The following ZNF77 variants were observed in gnomAD, a reference collection of about 807,000 sequenced individuals.
ZNF77 encodes the protein zinc finger protein 77.
A neutral mutation model predicts 13.5 loss-of-function variants in ZNF77; 15 were observed. The observed-to-expected ratio is 1.11, with a 90% CI of 0.74 to 1.71. ZNF77 has a LOEUF of 1.71. ZNF77 is among the 40% of genes most tolerant of loss of function. The pLI, the probability that ZNF77 is intolerant of heterozygous loss-of-function variation, is 0.00. For missense variants in ZNF77, 717 were observed against 676.4 expected (o/e 1.06, Z -0.67); for synonymous variants, 282 against 250.0 (o/e 1.13, Z -1.21).
At position 2,934,003 on chromosome 19, in the gene ZNF77, G is replaced by T; in HGVS notation, c.1124C>A (p.Thr375Asn). Residue 375 changes from threonine (T) to asparagine (N), a missense_variant, in exon 4 of 4, where the codon ACC becomes AAC. Physicochemically the swap from Thr to Asn is moderately conservative, Grantham distance 65. Transcript: ENST00000314531. ...SSLRAHMRMH[T>N]GEKPYVCKQC... Reference sequence around the variant, plus strand: ...CTTGCACACATAGGGCTTCTCTCCGGTGTGCATTCTCATGTGTGCTCGCAG... The same window carrying T: ...CTTGCACACATAGGGCTTCTCTCCGTTGTGCATTCTCATGTGTGCTCGCAG... 1 of 1,614,168 alleles carries T rather than the reference G, an allele frequency of 6.2e-7. No homozygotes were observed. Among genetic ancestry groups the T allele is most frequent in the Non-Finnish European group, 8.5e-7 (1 of 1,180,036 alleles).
At position 2,936,509 on chromosome 19, in the gene ZNF77, T is replaced by A; in HGVS notation, c.311+15A>T. 6.3e-7 allele frequency: 1 copy of A among 1,575,602 alleles called. No homozygotes were observed. The highest frequency in any genetic ancestry group is 2.3e-5 in the East Asian group (1 of 43,516). On this transcript the variant is annotated intron_variant, in intron 3 of 3. Transcript: ENST00000314531. ...TCTGCGGAGAGGCCCATCCCTCCGG[T>A]TGAGCGCCACTCACCTCAGATGCCT...
Position 2,944,944 on chromosome 19 carries a change from G to A in ZNF77, c.-104C>T, listed in dbSNP as rs566476995. ...TGAGCCGCTCGGGGTAGGCGGGGAA[G>A]CGCGCAAGGCAGAGGGGAACTCGGC... On this transcript the variant is annotated 5_prime_UTR_variant, in exon 1 of 4. Coordinates refer to ENST00000314531, the MANE Select transcript of ZNF77 (RefSeq NM_021217.3). 4.3e-6 allele frequency: 6 copies of A among 1,405,226 alleles called. No individual in the cohort carries two copies. The South Asian group carries it at 7.0e-5, about 16-fold the overall frequency. The allele number at this position is 1,405,226 out of a possible 1,614,324, so 87.0% of individuals were successfully genotyped here.
At chr19:2,938,727 C>A (rs146044326) in intron 2 of ZNF77, among the ~76,000 whole-genome samples, 269 of 152,186 alleles carry the variant, frequency 1.8e-3, no homozygotes, top group African/African-American at 6.3e-3. Context: ...GAGGCCAAGG[C>A]GGGCGGATCA....
intron 2 of ZNF77, 117 bp from the exon 3 acceptor site, chr19:2,936,821 T>C (rs2088402337): frequency 1.1e-6 from 1 of 932,624 alleles, no homozygotes; most frequent in South Asian, 1.6e-5. Context: ...TAAGGAAGAA[T>C]AGACATGCTA....
intron 1 of ZNF77, among the ~76,000 whole-genome samples, chr19:2,943,274 ACCCTTCTCCCTATTGCAACAGC>A (rs1261816614): frequency 6.7e-6 from 1 of 150,008 alleles, no homozygotes; most frequent in African/African-American, 2.5e-5. Context: ...AATCCAACTA[ACCCTTCTCCCTATTGCAACAGC>A]CCCTTCTCCC....
In ZNF77 at chr19:2,933,357, T is replaced by C; in HGVS notation, c.*132A>G. On this transcript the variant is annotated 3_prime_UTR_variant, in exon 4 of 4. Coordinates refer to ENST00000314531, the MANE Select transcript of ZNF77 (RefSeq NM_021217.3). ...AATCATAATTAAGAGATTTCTCTCCTACTCTGAATTTTTAGGTACAAAATA... is the reference window on the plus strand; with the variant it reads ...AATCATAATTAAGAGATTTCTCTCCCACTCTGAATTTTTAGGTACAAAATA... 9.1e-7 allele frequency: 1 copy of C among 1,102,532 alleles called. No individual in the cohort carries two copies. The highest frequency in any genetic ancestry group is 1.3e-6 in the Non-Finnish European group (1 of 790,144). 68.3% of individuals were successfully genotyped at this position (1,102,532 alleles called of 1,614,324 possible). A position where few individuals can be genotyped will look rare whatever the true frequency, so the allele number is the denominator to read the frequency against.
intron 1 of ZNF77, among the ~76,000 whole-genome samples, chr19:2,940,544 A>G (rs562548468): frequency 2.8e-4 from 42 of 152,162 alleles, no homozygotes; most frequent in African/African-American, 1.0e-3. Flanking sequence ...GTGGTGGCAC[A>G]CGCCTGTAGT....
At position 2,939,291 on chromosome 19, in the gene ZNF77, A is replaced by AGTGAGGGAATGACGCCACCCTT. The variant is rs766488951; in HGVS notation, c.119_120insAAGGGTGGCGTCATTCCCTCAC (p.Ala41ArgfsTer17). 7.9e-7 allele frequency: 1 copy of AGTGAGGGAATGACGCCACCCTT among 1,259,748 alleles called. No individual in the cohort carries two copies. The highest frequency in any genetic ancestry group is 1.1e-6 in the Non-Finnish European group (1 of 927,916). 78.0% of individuals were successfully genotyped at this position (1,259,748 alleles called of 1,614,324 possible). A position where few individuals can be genotyped will look rare whatever the true frequency, so the allele number is the denominator to read the frequency against. On this transcript the variant is annotated frameshift_variant, in exon 2 of 4. Coordinates refer to ENST00000314531, the MANE Select transcript of ZNF77 (RefSeq NM_021217.3). LOFTEE classifies it high-confidence loss of function. Reference sequence around the variant, plus strand: ...TGACACCACCCTTACCCAAGGAGGCAAGGTTCCTGCAGGTCTCCAGCATCA... The same window carrying AGTGAGGGAATGACGCCACCCTT: ...TGACACCACCCTTACCCAAGGAGGCAGTGAGGGAATGACGCCACCCTTAGGTTCCTGCAGGTCTCCAGCATCA...
chr19:2,934,336 C>T lies in ZNF77; in HGVS notation c.791G>A (p.Gly264Glu). Residue 264 changes from glycine (G) to glutamate (E), a missense_variant, in exon 4 of 4, where the codon GGA becomes GAA. Gly to Glu is a moderately conservative substitution (Grantham distance 98). Transcript: ENST00000314531. ...YLTRHVRTHT[G>E]EKPYECKECG... ...CTCCTTACACTCATAGGGTTTCTCT[C>T]CTGTGTGAGTTCTTACGTGCCGTGT... 4.3e-6 allele frequency: 7 copies of T among 1,614,192 alleles called. No individual in the cohort carries two copies. Among genetic ancestry groups the T allele is most frequent in the Non-Finnish European group, 5.9e-6 (7 of 1,180,042 alleles).
At chr19:2,942,284 G>C (rs545802378) in intron 1 of ZNF77, among the ~76,000 whole-genome samples, 4 of 151,314 alleles carry the variant, frequency 2.6e-5, no homozygotes, top group East Asian at 1.9e-4. Context: ...GTCAATCAGG[G>C]TGGTCTTGAA....
Position 2,939,095 on chromosome 19 carries a change from G to A in ZNF77, c.130+186C>T, listed in dbSNP as rs551999949. On this transcript the variant is annotated intron_variant, in intron 2 of 3. Coordinates refer to ENST00000314531, the MANE Select transcript of ZNF77 (RefSeq NM_021217.3). ...CCCAAGGAGGCAGTGAGGGAATGAC[G>A]CCACCCTTACCCAAGGAGGCAGTGA... Among the ~76,000 whole-genome samples, 105 of 103,560 alleles carry A rather than the reference G, an allele frequency of 1.0e-3. 2 individuals are homozygous for A. Among genetic ancestry groups the A allele is most frequent in the African/African-American group, 1.7e-3 (55 of 32,004 alleles). 67.9% of individuals were successfully genotyped at this position (103,560 alleles called of 152,430 possible). A position where few individuals can be genotyped will look rare whatever the true frequency, so the allele number is the denominator to read the frequency against.
chr19:2,941,154 G>A (rs2088445167), intron 1 of ZNF77, among the ~76,000 whole-genome samples: 2 of 133,596 alleles, frequency 1.5e-5, no homozygotes. Context: ...CAGCGTGGGT[G>A]ACAGAGAGAC....
At chr19:2,939,557 A>G (rs907111038) in intron 1 of ZNF77, 150 bp from the exon 2 acceptor site, 2 of 1,088,702 alleles carry the variant, frequency 1.8e-6, no homozygotes, top group African/African-American at 1.6e-5. Flanking sequence ...AGTGCAGTAC[A>G]CTCAATGCCG....
chr19:2,944,122 C>T (rs556641417), intron 1 of ZNF77, among the ~76,000 whole-genome samples: 1 of 151,908 alleles, frequency 6.6e-6, no homozygotes, highest in Admixed American at 6.6e-5. Context: ...TCCCACTCTC[C>T]CCGATCCCCT....
intron 1 of ZNF77, among the ~76,000 whole-genome samples, chr19:2,943,259 C>A (rs1200006031): frequency 6.6e-6 from 1 of 151,664 alleles, no homozygotes; most frequent in African/African-American, 2.4e-5. Context: ...TACTCTCCTG[C>A]CTCTAATCCA....
chr19:2,939,810 A>G lies in ZNF77; in HGVS notation c.4-403T>C. On this transcript the variant is annotated intron_variant, in intron 1 of 3. Transcript: ENST00000314531. The stretch of plus-strand genomic sequence containing the variant: ...TGCATAGTGAGATCCCGTCTCTACA[A>G]AAAAAATAAAATACAATAAATTAAC... The G allele has an allele frequency of 1.5e-5, 3 of 199,838 alleles. No individual in the cohort carries two copies. The South Asian group carries it at 2.3e-4, about 16-fold the overall frequency. The allele number at this position is 199,838 out of a possible 1,614,324, so 12.4% of individuals were successfully genotyped here.
In ZNF77 at chr19:2,933,903, A is replaced by G. The variant is rs1354327070; in HGVS notation, c.1224T>C (p.Tyr408=). 1.9e-6 allele frequency: 3 copies of G among 1,613,218 alleles called. No individual in the cohort carries two copies. Among genetic ancestry groups the G allele is most frequent in the South Asian group, 1.1e-5 (1 of 91,012 alleles). Residue 408 remains tyrosine, a synonymous_variant, in exon 4 of 4, where the codon TAT becomes TAC. Coordinates refer to ENST00000314531, the MANE Select transcript of ZNF77 (RefSeq NM_021217.3). Reference sequence around the variant, plus strand: ...AGGCTTTCCCACACTCTTTACATTGATAGGGCTTCACCCCGCTGTGTGTTT... The same window carrying G: ...AGGCTTTCCCACACTCTTTACATTGGTAGGGCTTCACCCCGCTGTGTGTTT... The part of the protein sequence containing the change: ...HVKTHSGVKP[Y]QCKECGKAYS...
intron 2 of ZNF77, among the ~76,000 whole-genome samples, chr19:2,937,309 C>T (rs1265591542): frequency 6.6e-6 from 1 of 152,174 alleles, no homozygotes; most frequent in East Asian, 1.9e-4. Flanking sequence ...CATGGTTAAA[C>T]CCCATCTCCA....
rs144428631 is a variant in ZNF77 at position 2,944,304 on chromosome 19, T to G, written c.3+534A>C. 7.0e-3 allele frequency among the ~76,000 whole-genome samples: 794 copies of G among 113,378 alleles called. 5 individuals carry two copies. The highest frequency in any genetic ancestry group is 0.025 in the African/African-American group (734 of 28,858). The allele number at this position is 113,378 out of a possible 152,430, so 74.4% of individuals were successfully genotyped here. On this transcript the variant is annotated intron_variant, in intron 1 of 3. Transcript: ENST00000314531. ...CCCCCAAACTCCCGACTGCAGCTAC[T>G]GTCCCCCTAAACTGCCTTCGAGCCC...
Sources: gnomAD v4.1 joint callset for allele counts (sites outside exome capture counted in the v4.1 genomes callset) on GRCh38, gnomAD v4.1.1 for gene constraint, MANE v1.5 for transcripts, NCBI Gene and HGNC (gene_info 2026-07-23, HGNC 2026-07-21) for gene names.